The following CFAP57 variants were observed in gnomAD, a reference collection of about 807,000 sequenced individuals.
CFAP57 encodes the protein cilia and flagella associated protein 57, also known as cilia- and flagella-associated protein 57.
A neutral mutation model predicts 146.8 loss-of-function variants in CFAP57; 116 were observed. The ratio of observed to expected loss-of-function variants is 0.79; its 90% CI spans 0.68 to 0.92. The LOEUF is 0.92. Ranked by LOEUF, CFAP57 falls within the 40% of genes least tolerant of loss-of-function variation. CFAP57 has a pLI of 0.00. For synonymous variants in CFAP57, 518 were observed against 552.8 expected, an observed-to-expected ratio of 0.94 and a Z score of 0.88; for missense variants, 1,377 against 1,527.2, an observed-to-expected ratio of 0.90 and a Z score of 1.64.
chr1:43,202,521 G>T (rs6692564), intron 9 of CFAP57, among the ~76,000 whole-genome samples: 38,219 of 151,668 alleles, frequency 0.25, 6,620 homozygotes, highest in African/African-American at 0.48. Flanking sequence ...AGTCACTCAC[G>T]CCTGTAATCT....
chr1:43,207,994 C>T (rs1644428970), intron 10 of CFAP57, among the ~76,000 whole-genome samples: 1 of 152,230 alleles, frequency 6.6e-6, no homozygotes, highest in South Asian at 2.1e-4. Context: ...GCCCTACTAG[C>T]TGGCACATTG....
chr1:43,219,444 A>G lies in CFAP57; in HGVS notation c.2154A>G (p.Gln718=), dbSNP rs74354591. ...VEELKMENEY[Q]LRLKDMNYSE... Reference sequence around the variant, plus strand: ...AATTAAAAATGGAGAATGAGTATCAACTCCGACTAAAGGACATGAACTATT... The same window carrying G: ...AATTAAAAATGGAGAATGAGTATCAGCTCCGACTAAAGGACATGAACTATT... The change falls in exon 13 of 23, where the codon CAA becomes CAG. Residue 718 remains glutamine, a synonymous_variant. Coordinates refer to ENST00000372492, the MANE Select transcript of CFAP57 (RefSeq NM_001378189.1). The G allele has an allele frequency of 6.4e-7, 1 of 1,550,606 alleles. No homozygotes were observed. Among genetic ancestry groups the G allele is most frequent in the Non-Finnish European group, 8.7e-7 (1 of 1,146,974 alleles).
Position 43,238,765 on chromosome 1 carries a change from G to A in CFAP57, c.3405+4127G>A, listed in dbSNP as rs1468806662. 6.6e-6 allele frequency among the ~76,000 whole-genome samples: 1 copy of A among 152,120 alleles called. No homozygotes were observed. The highest frequency in any genetic ancestry group is 2.4e-5 in the African/African-American group (1 of 41,418). On this transcript the variant is annotated intron_variant, in intron 21 of 22. Transcript: ENST00000372492. The surrounding 1 kb of genome is among the most constrained non-coding windows in gnomAD (Gnocchi z 4.3). ...ATATTGGAATGGAGGTGACATAAAT[G>A]TGAGGGGGGACAGCAGAGCCTGGAA...
intron 21 of CFAP57, among the ~76,000 whole-genome samples, chr1:43,242,183 C>T (rs998755459): frequency 2.6e-5 from 4 of 152,138 alleles, no homozygotes; most frequent in Non-Finnish European, 1.5e-5. Context: ...CTTGGTGACT[C>T]CTTCAAGCCT....
intron 6 of CFAP57, among the ~76,000 whole-genome samples, chr1:43,193,065 T>C (rs1267397292): frequency 6.6e-6 from 1 of 152,250 alleles, no homozygotes; most frequent in African/African-American, 2.4e-5. Flanking sequence ...GCACATATCT[T>C]TACAATTAAT....
rs1251011998 is a variant in CFAP57, at chr1:43,185,238, A to C, written c.851A>C (p.Gln284Pro). ...ASSHSQMSMP[Q>P]VFAIAAYSKG... ...AGCCATAGCCAGATGTCCATGCCCCAGGTGTTTGCCATTGCAGCCTATTCA... is the reference window on the plus strand; with the variant it reads ...AGCCATAGCCAGATGTCCATGCCCCCGGTGTTTGCCATTGCAGCCTATTCA... Residue 284 changes from glutamine (Q) to proline (P), a missense_variant, in exon 5 of 23, where the codon CAG (glutamine) becomes CCG (proline). Transcript: ENST00000372492. 6.2e-7 allele frequency: 1 copy of C among 1,614,114 alleles called. No homozygotes were observed. The highest frequency in any genetic ancestry group is 1.1e-5 in the South Asian group (1 of 91,090).
chr1:43,197,007 T>G (rs1643891350), intron 6 of CFAP57, among the ~76,000 whole-genome samples: 1 of 152,218 alleles, frequency 6.6e-6, no homozygotes, highest in Admixed American at 6.5e-5. Flanking sequence ...AATTAAATTC[T>G]AAGATATCCA....
chr1:43,236,501 A>G (rs947265262), intron 21 of CFAP57, among the ~76,000 whole-genome samples: 1 of 149,710 alleles, frequency 6.7e-6, no homozygotes, highest in African/African-American at 2.4e-5. Flanking sequence ...CAGGGAAGAA[A>G]ACACCAACCT....
At chr1:43,252,928 T>C (rs563922135) in intron 22 of CFAP57, among the ~76,000 whole-genome samples, 2 of 152,068 alleles carry the variant, frequency 1.3e-5, no homozygotes, top group Admixed American at 6.5e-5. Context: ...GATAAAGATA[T>C]AGTAAAAGAC....
chr1:43,182,375 G>A (rs1054351121), intron 3 of CFAP57, among the ~76,000 whole-genome samples: 10 of 152,182 alleles, frequency 6.6e-5, no homozygotes, highest in Non-Finnish European at 1.3e-4. Context: ...GGCTTAGGCA[G>A]GGGGTCCCAA....
Position 43,219,447 on chromosome 1 carries a change from C to T in CFAP57, c.2157C>T (p.Leu719=), listed in dbSNP as rs1356631379. The stretch of plus-strand genomic sequence containing the variant: ...TAAAAATGGAGAATGAGTATCAACT[C>T]CGACTAAAGGACATGAACTATTCTG... ...EELKMENEYQ[L]RLKDMNYSEK... Residue 719 remains leucine (L), a synonymous_variant, in exon 13 of 23, where the codon CTC becomes CTT. Transcript: ENST00000372492. 6.4e-7 allele frequency: 1 copy of T among 1,550,598 alleles called. No individual in the cohort carries two copies. Among genetic ancestry groups the T allele is most frequent in the Non-Finnish European group, 8.7e-7 (1 of 1,147,002 alleles).
At chr1:43,251,662 A>G (rs1343253623) in intron 22 of CFAP57, among the ~76,000 whole-genome samples, 5 of 152,284 alleles carry the variant, frequency 3.3e-5, no homozygotes, top group Non-Finnish European at 5.9e-5. Flanking sequence ...TGTATGGAAA[A>G]GAGAAATGAA....
Position 43,185,338 on chromosome 1 carries a change from T to C in CFAP57, c.951T>C (p.Arg317=). 6.2e-7 allele frequency: 1 copy of C among 1,613,792 alleles called. No homozygotes were observed. The highest frequency in any genetic ancestry group is 8.5e-7 in the Non-Finnish European group (1 of 1,179,954). ...FEKMEEKDFY[R]ESREIRIPVD... is the part of the protein sequence containing the mutation. Reference sequence around the variant, plus strand: ...AGATGGAAGAAAAGGATTTTTACCGTGAGAGCAGAGAAATCAGGGTAAGGC... The same window carrying C: ...AGATGGAAGAAAAGGATTTTTACCGCGAGAGCAGAGAAATCAGGGTAAGGC... Residue 317 remains arginine, a synonymous_variant, in exon 5 of 23, where the codon CGT becomes CGC. Coordinates refer to ENST00000372492, the MANE Select transcript of CFAP57 (RefSeq NM_001378189.1).
intron 22 of CFAP57, among the ~76,000 whole-genome samples, chr1:43,251,396 C>T (rs751902198): frequency 6.6e-6 from 1 of 152,154 alleles, no homozygotes; most frequent in Non-Finnish European, 1.5e-5. Context: ...CCAAGGGCCA[C>T]CCGGTGCAGT....
intron 11 of CFAP57, chr1:43,210,130 A>G (rs1644538213): frequency 4.4e-6 from 7 of 1,607,384 alleles, no homozygotes; most frequent in African/African-American, 1.3e-5. Flanking sequence ...AGATACACCT[A>G]AAAATGTATG....
At chr1:43,233,598 C>T (rs892418114) in intron 19 of CFAP57, among the ~76,000 whole-genome samples, 6 of 152,270 alleles carry the variant, frequency 3.9e-5, no homozygotes, top group Middle Eastern at 6.8e-3. Flanking sequence ...TGATACAGAT[C>T]CTGCCATTTC....
intron 12 of CFAP57, among the ~76,000 whole-genome samples, chr1:43,217,314 C>G (rs946619296): frequency 1.3e-5 from 2 of 152,116 alleles, no homozygotes; most frequent in African/African-American, 2.4e-5. Context: ...AGAGAATAAT[C>G]TGCAGCAATG....
intron 13 of CFAP57, 123 bp downstream of exon 13, chr1:43,219,660 A>G (rs1420167854): frequency 1.8e-5 from 22 of 1,237,176 alleles, no homozygotes; most frequent in Non-Finnish European, 2.4e-5. Flanking sequence ...TCCAATTTTA[A>G]AGCATAGTCG....
intron 9 of CFAP57, among the ~76,000 whole-genome samples, chr1:43,202,956 G>A (rs557460738): frequency 3.3e-5 from 5 of 152,160 alleles, no homozygotes; most frequent in South Asian, 2.1e-4. Flanking sequence ...GGCGGATCAC[G>A]AGGTCAGGAG....
Sources: gnomAD v4.1 joint callset for allele counts (sites outside exome capture counted in the v4.1 genomes callset) on GRCh38, gnomAD v4.1.1 for gene constraint, Gnocchi (gnomAD v3.1) non-coding constraint, MANE v1.5 for transcripts, NCBI Gene and HGNC (gene_info 2026-07-23, HGNC 2026-07-21) for gene names.